Variants in TUBGCP5 observed in about 807,000 individuals in gnomAD.
The protein encoded by TUBGCP5 is tubulin gamma complex component 5, also known as gamma-tubulin complex component 5.
Under a neutral mutation model 134.7 loss-of-function variants are expected in TUBGCP5, and 98 were observed. The observed-to-expected ratio is 0.73, with a 90% CI of 0.62 to 0.86. The LOEUF (loss-of-function observed/expected upper bound fraction) is 0.86, where lower values mean the gene tolerates loss of function less well. Among genes scored for constraint, TUBGCP5 ranks in the 40% least tolerant of loss-of-function variants. TUBGCP5 has a pLI of 0.00. For synonymous variants in TUBGCP5, 456 were observed against 431.4 expected, an observed-to-expected ratio of 1.06 and a Z score of -0.71; for missense variants, 1,150 against 1,244.8, an observed-to-expected ratio of 0.92 and a Z score of 1.15.
rs547782504 is a variant in TUBGCP5 at position 23,012,963 on chromosome 15, G to A, written c.1757-1632C>T. Among the ~76,000 whole-genome samples the A allele has an allele frequency of 2.0e-5, 3 of 151,994 alleles. No homozygotes were observed. The East Asian group carries it at 5.9e-4, about 30-fold the overall frequency. ...TAAAAACACAAAAAATTAGCCGGGC[G>A]TAGTGGCTCACATCTATAGTCCCAG... On this transcript the variant is annotated intron_variant, in intron 13 of 22. Transcript: ENST00000615383.
intron 10 of TUBGCP5, 89 bp from the exon 11 acceptor site, chr15:23,022,250 T>G: frequency 3.5e-6 from 5 of 1,424,522 alleles, no homozygotes; most frequent in African/African-American, 1.4e-5. Flanking sequence ...ATCAGGCTTA[T>G]GGACAGGCAG....
rs960502523 is a variant in TUBGCP5, at chr15:23,032,709, A to C, written c.406+19T>G. On this transcript the variant is annotated intron_variant, in intron 4 of 22. Coordinates refer to ENST00000615383, the MANE Select transcript of TUBGCP5 (RefSeq NM_052903.6). ...ATTTCTCTTTTACTTCTCATATGTT[A>C]AGGAATCTAGTAACATACCCACTTC... is the stretch of plus-strand genomic sequence containing the variant. 2.1e-5 allele frequency: 32 copies of C among 1,493,020 alleles called. 1 individual carries two copies. Among genetic ancestry groups the C allele is most frequent in the Non-Finnish European group, 2.7e-5 (30 of 1,109,180 alleles). 92.5% of individuals were successfully genotyped at this position (1,493,020 alleles called of 1,614,324 possible).
Position 23,006,266 on chromosome 15 carries a change from A to T in TUBGCP5, c.2412+2T>A. The stretch of plus-strand genomic sequence containing the variant: ...GTTCATACAAGGAATATCAGCATAT[A>T]CCTTGTAGCTGAGGGTCAGACCATC... On this transcript the variant is annotated splice_donor_variant, in intron 17 of 22. Transcript: ENST00000615383. LOFTEE classifies it high-confidence loss of function. The T allele has an allele frequency of 4.4e-6, 7 of 1,608,238 alleles. No homozygotes were observed. Among genetic ancestry groups the T allele is most frequent in the Non-Finnish European group, 5.9e-6 (7 of 1,177,770 alleles).
intron 23 of TUBGCP5, among the ~76,000 whole-genome samples, chr15:22,987,233 C>T (rs1323824203): frequency 1.3e-5 from 2 of 151,560 alleles, no homozygotes; most frequent in East Asian, 3.9e-4. Flanking sequence ...ACTTGGGAGG[C>T]TGAGGCAGGA....
intron 6 of TUBGCP5, among the ~76,000 whole-genome samples, chr15:23,028,164 C>G (rs1461393057): frequency 6.6e-6 from 1 of 151,748 alleles, no homozygotes; most frequent in Non-Finnish European, 1.5e-5. Flanking sequence ...GTGGCTCACA[C>G]CTGCAATCCC....
intron 13 of TUBGCP5, among the ~76,000 whole-genome samples, chr15:23,015,685 C>G (rs551199183): frequency 2.0e-5 from 3 of 152,268 alleles, no homozygotes; most frequent in Non-Finnish European, 4.4e-5. Flanking sequence ...CCACGCCCAG[C>G]CAACTGTGCC....
At position 23,017,947 on chromosome 15, in the gene TUBGCP5, T is replaced by C; in HGVS notation, c.1582A>G (p.Ser528Gly). 6.2e-7 allele frequency: 1 copy of C among 1,614,238 alleles called. No homozygotes were observed. The highest frequency in any genetic ancestry group is 8.5e-7 in the Non-Finnish European group (1 of 1,180,030). The change falls in exon 13 of 23, where the codon AGT (serine) becomes GGT (glycine). Residue 528 changes from serine (S) to glycine (G), a missense_variant. Physicochemically the swap from Ser to Gly is moderately conservative, Grantham distance 56. Around this residue, in one of 2 missense-constraint regions of TUBGCP5, gnomAD observed 697 missense variants for 850.1 expected, o/e 0.82. Transcript: ENST00000615383. ...SEKTENEEKM[S>G]DNASASSGSD... The stretch of plus-strand genomic sequence containing the variant: ...CCGGAACTCGCACTAGCGTTATCAC[T>C]CATTTTTTCTTCATTTTCTGTCTTT...
chr15:23,025,830 CAA>C (rs553348558), intron 8 of TUBGCP5, among the ~76,000 whole-genome samples: 13 of 62,228 alleles, frequency 2.1e-4, no homozygotes, highest in Admixed American at 1.8e-4. Context: ...GACTCCGTCT[CAA>C]AAAAAAAAAA....
chr15:23,025,673 A>G (rs2065940933), intron 8 of TUBGCP5, among the ~76,000 whole-genome samples: 1 of 152,060 alleles, frequency 6.6e-6, no homozygotes, highest in South Asian at 2.1e-4. Context: ...TCTACTAAAA[A>G]AGTAAAAATT....
intron 23 of TUBGCP5, among the ~76,000 whole-genome samples, chr15:22,988,662 G>A (rs1264789705): frequency 6.6e-6 from 1 of 151,196 alleles, no homozygotes; most frequent in African/African-American, 2.4e-5. Flanking sequence ...CGTGAACCTA[G>A]GAGGCAGAGC....
chr15:23,008,661 T>C (rs762250416), intron 16 of TUBGCP5, 38 bp downstream of exon 16: 1 of 1,594,178 alleles, frequency 6.3e-7, no homozygotes, highest in Non-Finnish European at 8.6e-7. Flanking sequence ...ATAGTTCATG[T>C]TACACTAATT....
chr15:23,017,157 T>G (rs925332526), intron 13 of TUBGCP5, among the ~76,000 whole-genome samples: 2 of 151,612 alleles, frequency 1.3e-5, no homozygotes, highest in Non-Finnish European at 2.9e-5. Flanking sequence ...TAGAACAGGA[T>G]ACCAGATGCT....
chr15:23,006,842 ACT>A (rs199768386), intron 16 of TUBGCP5, among the ~76,000 whole-genome samples: 2,089 of 152,230 alleles, frequency 0.014, 31 homozygotes, highest in Middle Eastern at 0.044. Flanking sequence ...TTTGAATGTG[ACT>A]CACAGAGGAA....
Position 23,017,909 on chromosome 15 carries a change from C to T in TUBGCP5, c.1620G>A (p.Gly540=). The T allele has an allele frequency of 6.2e-7, 1 of 1,614,170 alleles. No homozygotes were observed. The highest frequency in any genetic ancestry group is 8.5e-7 in the Non-Finnish European group (1 of 1,180,026). ...NASASSGSDQ[G]PSSRQHTMVS... is the part of the protein sequence containing the mutation. ...CCATGGTGTGCTGCCTGCTGGAGGG[C>T]CCCTGGTCACTGCCGGAACTCGCAC... The change falls in exon 13 of 23, where the codon GGG becomes GGA. Residue 540 remains glycine, a synonymous_variant. Transcript: ENST00000615383.
intron 23 of TUBGCP5, among the ~76,000 whole-genome samples, chr15:22,993,667 C>G (rs2063939550): frequency 6.6e-6 from 1 of 151,212 alleles, no homozygotes. Context: ...GTCTCAGCCT[C>G]CTGAGTAGCT....
At chr15:23,022,828 A>AT (rs1197568604) in intron 10 of TUBGCP5, among the ~76,000 whole-genome samples, 2 of 152,080 alleles carry the variant, frequency 1.3e-5, no homozygotes, top group African/African-American at 4.8e-5. Flanking sequence ...TCTCTGTACT[A>AT]TTTTTTGTGG....
downstream of TUBGCP5, among the ~76,000 whole-genome samples, chr15:22,997,317 C>G (rs2064133870): frequency 6.6e-6 from 1 of 150,964 alleles, no homozygotes; most frequent in African/African-American, 2.4e-5. Context: ...GTAGCTGGGA[C>G]TACAGGTGTG....
At chr15:23,012,028 T>C (rs2065062018) in intron 13 of TUBGCP5, among the ~76,000 whole-genome samples, 1 of 149,002 alleles carries the variant, frequency 6.7e-6, no homozygotes, top group South Asian at 2.1e-4. Flanking sequence ...GAGAACTGCG[T>C]GAGCACTGGC....
rs145285758 is a variant in TUBGCP5, at chr15:23,003,154, C to T, written c.2839-1G>A. 1 of 1,613,954 alleles carries T rather than the reference C, an allele frequency of 6.2e-7. No homozygotes were observed. The highest frequency in any genetic ancestry group is 1.3e-5 in the African/African-American group (1 of 74,914). ...TGATAGCTTCTTTCACAAAGCTGACCTGCAGACCAAAGTCACAGAACACAA... is the reference window on the plus strand; with the variant it reads ...TGATAGCTTCTTTCACAAAGCTGACTTGCAGACCAAAGTCACAGAACACAA... On this transcript the variant is annotated splice_acceptor_variant, in intron 20 of 22. Coordinates refer to ENST00000615383, the MANE Select transcript of TUBGCP5 (RefSeq NM_052903.6). LOFTEE classifies it high-confidence loss of function.
Sources: gnomAD v4.1 joint callset for allele counts (sites outside exome capture counted in the v4.1 genomes callset) on GRCh38, gnomAD v4.1.1 for gene constraint, gnomAD v4.1.1 regional missense constraint, MANE v1.5 for transcripts, NCBI Gene and HGNC (gene_info 2026-07-23, HGNC 2026-07-21) for gene names.